The following FARSB variants were observed in gnomAD, a reference collection of about 807,000 sequenced individuals.
FARSB encodes phenylalanyl-tRNA synthetase subunit beta.
A neutral mutation model predicts 69.6 loss-of-function variants in FARSB; 40 were observed. That is an observed-to-expected ratio of 0.57 (90% CI 0.45 to 0.75). The LOEUF (loss-of-function observed/expected upper bound fraction) is 0.75, where lower values mean the gene tolerates loss of function less well. Among genes scored for constraint, FARSB ranks in the 30% least tolerant of loss-of-function variants. The probability of loss-of-function intolerance (pLI) is 0.00; values close to 1 mark genes in which losing one functional copy is unlikely to be tolerated. For missense variants in FARSB, 632 were observed against 722.9 expected (o/e 0.87, Z 1.44); for synonymous variants, 235 against 247.2 (o/e 0.95, Z 0.46).
chr2:222,601,488 A>T lies in FARSB; in HGVS notation c.1463-1405T>A, dbSNP rs1439962621. On this transcript the variant is annotated intron_variant, in intron 15 of 16. Transcript: ENST00000281828. ...CATAAATATAGCCATAAGCCAAAAA[A>T]CCCCATGAACAGAGAAAAAGACTGA... Among the ~76,000 whole-genome samples, 3 of 151,876 alleles carry T rather than the reference A, an allele frequency of 2.0e-5. No homozygotes were observed. In the East Asian group the frequency reaches 5.8e-4, roughly 29 times the overall value.
At chr2:222,607,423 T>C (rs899270306) in intron 15 of FARSB, among the ~76,000 whole-genome samples, 5 of 152,150 alleles carry the variant, frequency 3.3e-5, no homozygotes, top group African/African-American at 1.2e-4. Context: ...ATTGATATGA[T>C]GGAAGATTAT....
At chr2:222,628,412 C>T (rs1316930616) in intron 10 of FARSB, among the ~76,000 whole-genome samples, 1 of 151,954 alleles carries the variant, frequency 6.6e-6, no homozygotes, top group East Asian at 1.9e-4. Context: ...CACACTGTAC[C>T]CCATAAATAT....
At chr2:222,587,348 A>AT (rs1326845284) in intron 16 of FARSB, among the ~76,000 whole-genome samples, 26 of 152,338 alleles carry the variant, frequency 1.7e-4, no homozygotes, top group African/African-American at 5.8e-4. Flanking sequence ...TCTGGGACAC[A>AT]TTTAAAGCAG....
chr2:222,604,070 T>G lies in FARSB; in HGVS notation c.1463-3987A>C, dbSNP rs535078463. On this transcript the variant is annotated intron_variant, in intron 15 of 16. Transcript: ENST00000281828. ...TCTCTACTAAAAATACAAAAAAAAT[T>G]GGCCAGGCATGGTGGCAGGCACCTG... Among the ~76,000 whole-genome samples the G allele has an allele frequency of 2.0e-5, 3 of 151,892 alleles. No homozygotes were observed. The East Asian group carries it at 5.8e-4, about 30-fold the overall frequency.
In FARSB at chr2:222,570,370, G is replaced by A. The variant is rs1689695200; in HGVS notation, c.*1501C>T. ...GATCTGCTTATAACAGAGCTGTGAA[G>A]GGTCAGCTGGAAGTGTGTGTGTTCA... On this transcript the variant is annotated 3_prime_UTR_variant, in exon 17 of 17. Coordinates refer to ENST00000281828, the MANE Select transcript of FARSB (RefSeq NM_005687.5). Among the ~76,000 whole-genome samples the A allele has an allele frequency of 6.6e-6, 1 of 152,142 alleles. No homozygotes were observed. The highest frequency in any genetic ancestry group is 1.5e-5 in the Non-Finnish European group (1 of 68,016).
intron 1 of FARSB, among the ~76,000 whole-genome samples, chr2:222,655,689 C>A (rs2106021853): frequency 6.6e-6 from 1 of 152,370 alleles, no homozygotes; most frequent in South Asian, 2.1e-4. Context: ...AATTAACTGG[C>A]TACGCTCGGG....
chr2:222,576,831 G>A (rs149278834), intron 16 of FARSB, among the ~76,000 whole-genome samples: 45 of 152,248 alleles, frequency 3.0e-4, no homozygotes, highest in African/African-American at 9.6e-4. Context: ...AGGAATTGTA[G>A]GACTCTGCTG....
chr2:222,583,151 T>C (rs1160313303), intron 16 of FARSB, among the ~76,000 whole-genome samples: 1 of 152,072 alleles, frequency 6.6e-6, no homozygotes, highest in African/African-American at 2.4e-5. Flanking sequence ...TGGGGACAAT[T>C]TGAGCATCAA....
At chr2:222,573,889 G>C (rs1376598085) in intron 16 of FARSB, among the ~76,000 whole-genome samples, 1 of 152,178 alleles carries the variant, frequency 6.6e-6, no homozygotes, top group African/African-American at 2.4e-5. Context: ...GCTGATGTTT[G>C]ACACCAGTCT....
At chr2:222,594,753 A>G (rs1690366960) in intron 16 of FARSB, among the ~76,000 whole-genome samples, 1 of 152,252 alleles carries the variant, frequency 6.6e-6, no homozygotes, top group Non-Finnish European at 1.5e-5. Flanking sequence ...CCAATTTGCT[A>G]CAAGTACTAA....
chr2:222,577,227 A>G (rs1689860336), intron 16 of FARSB, among the ~76,000 whole-genome samples: 2 of 152,240 alleles, frequency 1.3e-5, no homozygotes, highest in African/African-American at 2.4e-5. Context: ...TGGAGACTGA[A>G]TAATTTCCAA....
At chr2:222,606,438 C>T (rs1389166298) in intron 15 of FARSB, among the ~76,000 whole-genome samples, 2 of 152,160 alleles carry the variant, frequency 1.3e-5, no homozygotes, top group Non-Finnish European at 2.9e-5. Context: ...TTGGAAATGC[C>T]TCAGTTCTTT....
intron 1 of FARSB, among the ~76,000 whole-genome samples, chr2:222,653,991 G>GA (rs562888594): frequency 1.3e-5 from 2 of 149,372 alleles, no homozygotes; most frequent in African/African-American, 2.4e-5. Context: ...CTGACAATAT[G>GA]AAAAAAAAAG....
In FARSB at chr2:222,596,922, A is replaced by G. The variant is rs188792468; in HGVS notation, c.1618+3006T>C. Among the ~76,000 whole-genome samples the G allele has an allele frequency of 1.6e-4, 24 of 152,322 alleles. 1 individual carries two copies. The highest frequency in any genetic ancestry group is 5.8e-4 in the African/African-American group (24 of 41,586). Reference sequence around the variant, plus strand: ...TCTTTATACATTGTTTTCTTCAACCATAAACAAAAAAGGATAATCATACTT... The same window carrying G: ...TCTTTATACATTGTTTTCTTCAACCGTAAACAAAAAAGGATAATCATACTT... On this transcript the variant is annotated intron_variant, in intron 16 of 16. Transcript: ENST00000281828.
chr2:222,640,750 T>C, intron 4 of FARSB, 112 bp downstream of exon 4: 1 of 621,336 alleles, frequency 1.6e-6, no homozygotes, highest in African/African-American at 1.9e-5. Flanking sequence ...AGCCAGACCC[T>C]GTCTCAAAAC....
At chr2:222,627,725 C>T (rs1393830440) in intron 10 of FARSB, among the ~76,000 whole-genome samples, 1 of 152,180 alleles carries the variant, frequency 6.6e-6, no homozygotes, top group African/African-American at 2.4e-5. Context: ...GTATAATTAA[C>T]ACTCTAGAAT....
At chr2:222,645,106 T>A (rs1447110) in intron 2 of FARSB, among the ~76,000 whole-genome samples, 129,910 of 152,146 alleles carry the variant, frequency 0.85, 56,376 homozygotes, top group African/African-American at 0.97. Context: ...TACAGAAATT[T>A]AAAATCACAT....
At chr2:222,618,958 T>C (rs1161786016) in intron 14 of FARSB, among the ~76,000 whole-genome samples, 1 of 152,074 alleles carries the variant, frequency 6.6e-6, no homozygotes, top group Non-Finnish European at 1.5e-5. Flanking sequence ...CTCGCCAACA[T>C]GGTGAAACCC....
intron 1 of FARSB, among the ~76,000 whole-genome samples, chr2:222,652,569 T>C (rs1692065787): frequency 6.6e-6 from 1 of 152,252 alleles, no homozygotes. Context: ...ATGTGCTAAG[T>C]AGTCCTATGG....
Sources: allele counts gnomAD v4.1 joint callset (sites outside exome capture counted in the v4.1 genomes callset), GRCh38; gene constraint gnomAD v4.1.1; transcripts MANE v1.5; gene names NCBI Gene and HGNC (gene_info 2026-07-23, HGNC 2026-07-21).